Variants in FAM3B observed in about 807,000 individuals in gnomAD.
The protein encoded by FAM3B is protein FAM3B.
A neutral mutation model predicts 28.4 loss-of-function variants in FAM3B; 29 were observed. That is an observed-to-expected ratio of 1.02 (90% CI 0.76 to 1.39). The LOEUF is 1.39. Among genes scored for constraint, FAM3B ranks in the 40% most tolerant of loss-of-function variants. The pLI, the probability that FAM3B is intolerant of heterozygous loss-of-function variation, is 0.00. For missense variants in FAM3B, 266 were observed against 293.9 expected, an observed-to-expected ratio of 0.91 and a Z score of 0.69; for synonymous variants, 91 against 103.0, an observed-to-expected ratio of 0.88 and a Z score of 0.71.
At chr21:41,344,407 C>T (rs921773986) in intron 3 of FAM3B, 69 bp from the exon 4 acceptor site, 86 of 1,453,846 alleles carry the variant, frequency 5.9e-5, no homozygotes, top group African/African-American at 5.3e-4. Flanking sequence ...TTTGGTCAGG[C>T]GAAGACTTCG....
upstream of FAM3B, among the ~76,000 whole-genome samples, chr21:41,312,283 T>C (rs1412401582): frequency 6.6e-6 from 1 of 152,238 alleles, no homozygotes; most frequent in Non-Finnish European, 1.5e-5. Context: ...CTAATGATTG[T>C]ATATATGTAT....
At chr21:41,329,608 C>T (rs2088886714) in intron 2 of FAM3B, among the ~76,000 whole-genome samples, 1 of 150,064 alleles carries the variant, frequency 6.7e-6, no homozygotes, top group Non-Finnish European at 1.5e-5. Flanking sequence ...CATGCTCTGT[C>T]ATCCAAACTG....
At chr21:41,339,837 A>G (rs1426548243) in intron 3 of FAM3B, among the ~76,000 whole-genome samples, 1 of 152,200 alleles carries the variant, frequency 6.6e-6, no homozygotes, top group Non-Finnish European at 1.5e-5. Context: ...GAAAGGAAAG[A>G]GTGGATTTAT....
At chr21:41,346,497 A>C (rs896794282) in intron 5 of FAM3B, 2 of 154,662 alleles carry the variant, frequency 1.3e-5, no homozygotes, top group Non-Finnish European at 2.9e-5. Context: ...CATGTCTCGT[A>C]TTTGAGTTCT....
At chr21:41,317,300 A>G (rs2088758826) in intron 1 of FAM3B, among the ~76,000 whole-genome samples, 1 of 136,526 alleles carries the variant, frequency 7.3e-6, no homozygotes, top group African/African-American at 2.7e-5. Flanking sequence ...GGGGAAGGGT[A>G]CGCGCCTGCC....
intron 2 of FAM3B, among the ~76,000 whole-genome samples, chr21:41,334,700 A>C (rs927957116): frequency 7.9e-5 from 12 of 152,184 alleles, no homozygotes; most frequent in African/African-American, 2.4e-4. Context: ...GTGGGGTTTG[A>C]GCCTTCACAC....
intron 2 of FAM3B, among the ~76,000 whole-genome samples, chr21:41,327,913 C>T (rs1056165451): frequency 5.9e-5 from 9 of 152,224 alleles, no homozygotes; most frequent in African/African-American, 2.2e-4. Flanking sequence ...AAGTGCACCA[C>T]ACCTGTCAGC....
In FAM3B at chr21:41,347,026, G is replaced by A. The variant is rs149676623; in HGVS notation, c.411G>A (p.Pro137=). ...ATCCCCCAATAGATAACTCTGGACC[G>A]ATGACAAAGTTTATTCAGAGTGCTG... The part of the protein sequence containing the change: ...FDMYEGDNSG[P]MTKFIQSAAP... The change falls in exon 6 of 8, where the codon CCG becomes CCA. Residue 137 remains proline, a synonymous_variant. Coordinates refer to ENST00000357985, the MANE Select transcript of FAM3B (RefSeq NM_058186.4). 8.1e-5 allele frequency: 131 copies of A among 1,614,096 alleles called. No individual in the cohort carries two copies. The African/African-American group carries it at 1.1e-3, about 13-fold the overall frequency.
intron 1 of FAM3B, among the ~76,000 whole-genome samples, chr21:41,310,647 G>T (rs1482190218): frequency 1.3e-5 from 2 of 152,210 alleles, no homozygotes; most frequent in African/African-American, 2.4e-5. Flanking sequence ...GGTTGGAAGA[G>T]CTCTGAAGAG....
chr21:41,328,187 C>T (rs138332061), intron 2 of FAM3B, among the ~76,000 whole-genome samples: 11 of 152,278 alleles, frequency 7.2e-5, no homozygotes, highest in Middle Eastern at 3.4e-3. Flanking sequence ...AAGGGGAGCG[C>T]GGGCTCCAGG....
At chr21:41,318,508 C>G (rs2088770999) in intron 1 of FAM3B, among the ~76,000 whole-genome samples, 1 of 152,168 alleles carries the variant, frequency 6.6e-6, no homozygotes. Flanking sequence ...CCTTCCTAGC[C>G]CTTCTGCCAA....
intron 1 of FAM3B, among the ~76,000 whole-genome samples, chr21:41,305,080 A>G (rs1284200243): frequency 6.6e-6 from 1 of 152,174 alleles, no homozygotes; most frequent in African/African-American, 2.4e-5. Flanking sequence ...CATTGCTCCA[A>G]CAATGCAGAA....
At chr21:41,309,741 C>G (rs568756307) in intron 1 of FAM3B, among the ~76,000 whole-genome samples, 1 of 152,340 alleles carries the variant, frequency 6.6e-6, no homozygotes, top group African/African-American at 2.4e-5. Context: ...AGTTTAAAAG[C>G]TTAGACGCAT....
chr21:41,324,522 T>C (rs951487854), intron 2 of FAM3B, among the ~76,000 whole-genome samples: 1 of 152,242 alleles, frequency 6.6e-6, no homozygotes, highest in African/African-American at 2.4e-5. Flanking sequence ...CTGATCACTA[T>C]GTTCTTTACT....
At chr21:41,323,716 C>T (rs568682617) in intron 2 of FAM3B, among the ~76,000 whole-genome samples, 3 of 152,266 alleles carry the variant, frequency 2.0e-5, no homozygotes, top group South Asian at 2.1e-4. Context: ...GACAGCTTAA[C>T]GCATGAACAA....
At chr21:41,348,846 A>C (rs189250155) in intron 7 of FAM3B, 122 bp downstream of exon 7, 9 of 1,105,036 alleles carry the variant, frequency 8.1e-6, no homozygotes, top group Middle Eastern at 4.1e-4. Context: ...AGCTGTTTCC[A>C]TGAGATCAGC....
At chr21:41,346,954 C>A in intron 5 of FAM3B, 59 bp from the exon 6 acceptor site, 1 of 1,506,788 alleles carries the variant, frequency 6.6e-7, no homozygotes, top group South Asian at 1.1e-5. Context: ...AGCCCAGCAC[C>A]CAAGGCAGAG....
intron 2 of FAM3B, among the ~76,000 whole-genome samples, chr21:41,329,147 GTGA>G (rs1189846830): frequency 6.6e-6 from 1 of 152,154 alleles, no homozygotes; most frequent in Non-Finnish European, 1.5e-5. Context: ...TACTCTCATG[GTGA>G]TTTTCGTGTA....
exon 1 of FAM3B, chr21:41,304,263 C>T (rs575357859): frequency 2.9e-4 from 134 of 456,126 alleles, no homozygotes; most frequent in African/African-American, 2.5e-3. Context: ...GCTGGGGCAC[C>T]CTGGCGCCAT....
Sources: gnomAD v4.1 joint callset for allele counts (sites outside exome capture counted in the v4.1 genomes callset) on GRCh38, gnomAD v4.1.1 for gene constraint, MANE v1.5 for transcripts, NCBI Gene and HGNC (gene_info 2026-07-23, HGNC 2026-07-21) for gene names.